The following MSRB3 variants were observed in gnomAD, a reference collection of about 807,000 sequenced individuals.
MSRB3 encodes the protein methionine sulfoxide reductase B3.
Under a neutral mutation model 21.0 loss-of-function variants are expected in MSRB3, and 13 were observed. The observed-to-expected ratio is 0.62, with a 90% CI of 0.40 to 0.98. The LOEUF is 0.98. Among genes scored for constraint, MSRB3 ranks in the 50% least tolerant of loss-of-function variants. MSRB3 has a pLI of 0.00. For synonymous variants in MSRB3, 87 were observed against 88.6 expected (o/e 0.98, Z 0.10); for missense variants, 199 against 230.3 (o/e 0.86, Z 0.88).
At chr12:65,293,903 G>A (rs183774453) in intron 1 of MSRB3, among the ~76,000 whole-genome samples, 33 of 152,320 alleles carry the variant, frequency 2.2e-4, no homozygotes, top group African/African-American at 7.7e-4. Flanking sequence ...TGACAAAAGA[G>A]GAGAACAGAA....
chr12:65,452,900 T>C (rs1882919372), intron 5 of MSRB3, among the ~76,000 whole-genome samples: 1 of 152,166 alleles, frequency 6.6e-6, no homozygotes, highest in Non-Finnish European at 1.5e-5. Context: ...AGGCTTCAGC[T>C]CAGTAACTCC....
rs116915387 is a variant in MSRB3, at chr12:65,287,487, G to A, written c.-52+8622G>A. Among the ~76,000 whole-genome samples the A allele has an allele frequency of 6.6e-4, 100 of 152,244 alleles. 1 individual carries two copies. In the East Asian group the frequency reaches 0.018, roughly 27 times the overall value. Reference sequence around the variant, plus strand: ...AGAACCTGAGTTTGGTTGGGGTTGAGAGAGAACTATAGGGCCTATTATAGG... The same window carrying A: ...AGAACCTGAGTTTGGTTGGGGTTGAAAGAGAACTATAGGGCCTATTATAGG... On this transcript the variant is annotated intron_variant, in intron 1 of 6. Transcript: ENST00000308259.
At chr12:65,337,580 G>A (rs61921477) in intron 4 of MSRB3, among the ~76,000 whole-genome samples, 8,103 of 151,164 alleles carry the variant, frequency 0.054, 319 homozygotes, top group Non-Finnish European at 0.077. Context: ...CTACCGTATC[G>A]AAGGAAAGGA....
intron 5 of MSRB3, among the ~76,000 whole-genome samples, chr12:65,408,762 A>G (rs1347771218): frequency 6.6e-6 from 1 of 152,064 alleles, no homozygotes; most frequent in Admixed American, 6.6e-5. Context: ...CCCTTCCCCA[A>G]CAGAGAAGGC....
chr12:65,348,840 A>T (rs1349550134), intron 4 of MSRB3, among the ~76,000 whole-genome samples: 2 of 152,060 alleles, frequency 1.3e-5, no homozygotes, highest in Non-Finnish European at 2.9e-5. Flanking sequence ...TCATTTCGTT[A>T]TGTACCCAGT....
intron 5 of MSRB3, chr12:65,419,279 T>C (rs1881150055): frequency 1.3e-6 from 1 of 741,680 alleles, no homozygotes; most frequent in Non-Finnish European, 2.5e-6. Context: ...TCTGCCATGA[T>C]CTTGGCAAGG....
chr12:65,379,195 CATCCATCCATCCATCCATCCATCT>C (rs1878806359), intron 5 of MSRB3, among the ~76,000 whole-genome samples: 1 of 151,856 alleles, frequency 6.6e-6, no homozygotes, highest in Non-Finnish European at 1.5e-5. Flanking sequence ...TCCATCCATC[CATCCATCCATCCATCCATCCATCT>C]ACCCATCCAC....
At chr12:65,373,695 T>A (rs1878445081) in intron 5 of MSRB3, among the ~76,000 whole-genome samples, 1 of 152,142 alleles carries the variant, frequency 6.6e-6, no homozygotes, top group African/African-American at 2.4e-5. Flanking sequence ...CTAATGAGCA[T>A]GGTTTAGTGT....
intron 4 of MSRB3, among the ~76,000 whole-genome samples, chr12:65,339,600 A>G (rs879635294): frequency 2.8e-4 from 42 of 152,242 alleles, no homozygotes; most frequent in Admixed American, 8.5e-4. Flanking sequence ...TAAATAATGT[A>G]GTTAAGTGTA....
chr12:65,444,449 G>GT (rs1024737409), intron 5 of MSRB3, among the ~76,000 whole-genome samples: 5 of 151,972 alleles, frequency 3.3e-5, no homozygotes, highest in Non-Finnish European at 7.4e-5. Flanking sequence ...TAATGCTTAA[G>GT]TTTTTTTTAA....
At chr12:65,288,216 T>A (rs1018474110) in intron 1 of MSRB3, among the ~76,000 whole-genome samples, 1 of 150,016 alleles carries the variant, frequency 6.7e-6, no homozygotes, top group Non-Finnish European at 1.5e-5. Flanking sequence ...GGCAGGAGAA[T>A]CACTTGAACC....
At chr12:65,375,067 G>T (rs998923323) in intron 5 of MSRB3, among the ~76,000 whole-genome samples, 6 of 149,784 alleles carry the variant, frequency 4.0e-5, no homozygotes, top group Admixed American at 6.7e-5. Context: ...GTGTTAGTCA[G>T]ATCTCCTGAC....
chr12:65,376,056 G>T (rs1372852387), intron 5 of MSRB3, among the ~76,000 whole-genome samples: 14 of 149,124 alleles, frequency 9.4e-5, no homozygotes, highest in South Asian at 8.5e-4. Flanking sequence ...TTAATCCTTT[G>T]TATCATTATT....
chr12:65,394,629 C>T (rs10784449), intron 5 of MSRB3, among the ~76,000 whole-genome samples: 98,922 of 152,056 alleles, frequency 0.65, 32,307 homozygotes, highest in Admixed American at 0.72. Flanking sequence ...ATCCAGACAA[C>T]GATCACAAGG....
intron 5 of MSRB3, among the ~76,000 whole-genome samples, chr12:65,396,847 A>G (rs1879847442): frequency 6.6e-6 from 1 of 152,222 alleles, no homozygotes; most frequent in Admixed American, 6.5e-5. Context: ...GTCGTTGGAT[A>G]AAGTAGTCTA....
At chr12:65,338,451 T>C (rs960540962) in intron 4 of MSRB3, among the ~76,000 whole-genome samples, 2 of 152,190 alleles carry the variant, frequency 1.3e-5, no homozygotes, top group African/African-American at 2.4e-5. Context: ...TAGATGCTTG[T>C]TACAACAATA....
At chr12:65,411,069 T>G (rs1258890532) in intron 5 of MSRB3, among the ~76,000 whole-genome samples, 1 of 152,160 alleles carries the variant, frequency 6.6e-6, no homozygotes, top group Admixed American at 6.5e-5. Context: ...TAGGTTTTCA[T>G]TTAGGTATAC....
chr12:65,278,926 A>G, intron 1 of MSRB3, 61 bp downstream of exon 1: 1 of 1,245,544 alleles, frequency 8.0e-7, no homozygotes, highest in Non-Finnish European at 1.1e-6. Context: ...CGACCCTGCC[A>G]CGTTAGGGTG....
Position 65,431,971 on chromosome 12 carries a change from G to A in MSRB3, c.293-21757G>A, listed in dbSNP as rs929992911. Among the ~76,000 whole-genome samples the A allele has an allele frequency of 4.6e-5, 7 of 151,986 alleles. No homozygotes were observed. The South Asian group carries it at 1.0e-3, about 22-fold the overall frequency. ...ACACTAACAAATTATTCGGAAGTTG[G>A]TTATTAGGAAATCTTTCACTGGACT... On this transcript the variant is annotated intron_variant, in intron 5 of 6. Coordinates refer to ENST00000308259, the MANE Select transcript of MSRB3 (RefSeq NM_001031679.3).
Sources: allele counts gnomAD v4.1 joint callset (sites outside exome capture counted in the v4.1 genomes callset), GRCh38; gene constraint gnomAD v4.1.1; transcripts MANE v1.5; gene names NCBI Gene and HGNC (gene_info 2026-07-23, HGNC 2026-07-21).